The following TBCK variants were observed in gnomAD, a reference collection of about 807,000 sequenced individuals.
TBCK encodes the protein TBC1 domain containing kinase.
In TBCK, 99 loss-of-function variants were observed where a neutral mutation model predicts 113.4. That is an observed-to-expected ratio of 0.87 (90% CI 0.74 to 1.03). The LOEUF (loss-of-function observed/expected upper bound fraction) is 1.03, where lower values mean the gene tolerates loss of function less well. TBCK is among the 50% of genes least tolerant of loss of function. The probability of loss-of-function intolerance (pLI) is 0.00; values close to 1 mark genes in which losing one functional copy is unlikely to be tolerated. For synonymous variants in TBCK, 369 were observed against 370.8 expected (o/e 1.00, Z 0.05); for missense variants, 1,045 against 1,061.3 (o/e 0.98, Z 0.21).
At chr4:106,201,486 T>C (rs1030172597) in intron 20 of TBCK, among the ~76,000 whole-genome samples, 1 of 152,100 alleles carries the variant, frequency 6.6e-6, no homozygotes, top group African/African-American at 2.4e-5. Flanking sequence ...TCATACATAC[T>C]CTAAGTATTT....
rs576294408 is a variant in TBCK at position 106,137,938 on chromosome 4, T to C, written c.2236-21560A>G. On this transcript the variant is annotated intron_variant, in intron 23 of 25. Coordinates refer to ENST00000394708, the MANE Select transcript of TBCK (RefSeq NM_001163435.3). ...GACATTTTATCTCTCTGGGCCTCAG[T>C]TTTCTCAAATGATGGGCAGGAGTAG... Among the ~76,000 whole-genome samples the C allele has an allele frequency of 4.3e-5, 6 of 141,018 alleles. 1 individual carries two copies. Among genetic ancestry groups the C allele is most frequent in the African/African-American group, 1.5e-4 (6 of 40,034 alleles). The allele number at this position is 141,018 out of a possible 152,430, so 92.5% of individuals were successfully genotyped here.
At chr4:106,296,103 G>A (rs1416978944) in intron 2 of TBCK, among the ~76,000 whole-genome samples, 1 of 152,136 alleles carries the variant, frequency 6.6e-6, no homozygotes, top group Admixed American at 6.5e-5. Flanking sequence ...AACTGATCAA[G>A]ATGGCACAGT....
At chr4:106,148,355 T>A (rs1003372306) in intron 23 of TBCK, among the ~76,000 whole-genome samples, 2 of 152,180 alleles carry the variant, frequency 1.3e-5, no homozygotes, top group African/African-American at 4.8e-5. Flanking sequence ...ACGGAACCTA[T>A]CGACATGTGA....
chr4:106,229,522 T>A (rs527402983), intron 19 of TBCK, among the ~76,000 whole-genome samples: 1 of 152,164 alleles, frequency 6.6e-6, no homozygotes, highest in African/African-American at 2.4e-5. Context: ...TGAATGTTCT[T>A]GACACCTTTG....
At chr4:106,067,120 C>CAATCCCACT (rs1736734001) in intron 25 of TBCK, among the ~76,000 whole-genome samples, 1 of 152,148 alleles carries the variant, frequency 6.6e-6, no homozygotes, top group Non-Finnish European at 1.5e-5. Flanking sequence ...CATCATTTTA[C>CAATCCCACT]AATCCCACTA....
intron 23 of TBCK, among the ~76,000 whole-genome samples, chr4:106,146,327 C>T (rs1424912881): frequency 6.6e-6 from 1 of 152,128 alleles, no homozygotes; most frequent in East Asian, 1.9e-4. Flanking sequence ...CTATTATCCT[C>T]AGCAAACTAA....
intron 23 of TBCK, among the ~76,000 whole-genome samples, chr4:106,120,406 C>T (rs914592454): frequency 7.9e-5 from 12 of 152,264 alleles, no homozygotes; most frequent in African/African-American, 2.9e-4. Flanking sequence ...CCCACCATTG[C>T]CCAGGCTTGC....
intron 5 of TBCK, among the ~76,000 whole-genome samples, chr4:106,256,755 G>A (rs926519939): frequency 5.3e-5 from 8 of 152,124 alleles, no homozygotes; most frequent in African/African-American, 1.9e-4. Context: ...ACTGCAGCCG[G>A]CATCATGGTA....
At chr4:106,269,386 C>CT (rs750465589) in intron 3 of TBCK, among the ~76,000 whole-genome samples, 24 of 151,766 alleles carry the variant, frequency 1.6e-4, no homozygotes, top group Non-Finnish European at 2.9e-4. Flanking sequence ...GAGCTAGTGT[C>CT]TTTGAGGCTT....
intron 24 of TBCK, among the ~76,000 whole-genome samples, chr4:106,109,960 C>T (rs541326256): frequency 1.2e-4 from 19 of 152,220 alleles, no homozygotes; most frequent in South Asian, 2.1e-4. Context: ...CCCTCTTATC[C>T]GGAGCCCGAG....
At chr4:106,212,441 C>T (rs1270106934) in intron 20 of TBCK, among the ~76,000 whole-genome samples, 1 of 152,130 alleles carries the variant, frequency 6.6e-6, no homozygotes, top group East Asian at 1.9e-4. Context: ...CTTCCTATAT[C>T]TTCAAAATCA....
chr4:106,201,219 A>G (rs1754853942), intron 20 of TBCK, among the ~76,000 whole-genome samples: 1 of 151,942 alleles, frequency 6.6e-6, no homozygotes. Context: ...TAAATAAGTA[A>G]TGTACTCTGT....
chr4:106,084,104 G>A (rs1739225639), intron 25 of TBCK, among the ~76,000 whole-genome samples: 1 of 152,178 alleles, frequency 6.6e-6, no homozygotes, highest in Non-Finnish European at 1.5e-5. Flanking sequence ...AGTGACAGAA[G>A]AAGGCTCCAG....
At chr4:106,056,426 A>C (rs1560586347) in intron 25 of TBCK, among the ~76,000 whole-genome samples, 1 of 148,092 alleles carries the variant, frequency 6.8e-6, no homozygotes, top group Non-Finnish European at 1.5e-5. Flanking sequence ...TCTGTCTCTA[A>C]GTATCTCTCT....
chr4:106,071,183 T>G (rs1737384130), intron 25 of TBCK, among the ~76,000 whole-genome samples: 1 of 152,238 alleles, frequency 6.6e-6, no homozygotes, highest in East Asian at 1.9e-4. Flanking sequence ...CTTCTAATTG[T>G]GATGTTAGGG....
chr4:106,108,376 G>T (rs1742428000), intron 24 of TBCK, among the ~76,000 whole-genome samples: 1 of 152,110 alleles, frequency 6.6e-6, no homozygotes, highest in African/African-American at 2.4e-5. Context: ...CTTGTAAACT[G>T]AATCCAGCAG....
intron 24 of TBCK, among the ~76,000 whole-genome samples, chr4:106,105,113 A>G (rs1741989438): frequency 6.6e-6 from 1 of 152,164 alleles, no homozygotes; most frequent in African/African-American, 2.4e-5. Context: ...CCCTTGAACT[A>G]ATGAAGAAGC....
At chr4:106,146,122 T>C (rs1329429842) in intron 23 of TBCK, among the ~76,000 whole-genome samples, 1 of 152,140 alleles carries the variant, frequency 6.6e-6, no homozygotes, top group African/African-American at 2.4e-5. Context: ...CTGTTCATAA[T>C]AGCAAAGACC....
rs770540823 is a variant in TBCK at position 106,116,336 on chromosome 4, A to G, written c.2278T>C (p.Ser760Pro). The G allele has an allele frequency of 1.2e-6, 2 of 1,613,924 alleles. No homozygotes were observed. Among genetic ancestry groups the G allele is most frequent in the Non-Finnish European group, 8.5e-7 (1 of 1,179,984 alleles). Residue 760 changes from serine to proline, a missense_variant, in exon 24 of 26, where the codon TCA becomes CCA. Coordinates refer to ENST00000394708, the MANE Select transcript of TBCK (RefSeq NM_001163435.3). ...AGGTCCTCTGCTGAAATCCGTGGTG[A>G]TACTTCTGACTTCAGGTCATTTAAT... is the stretch of plus-strand genomic sequence containing the variant. ...IPLNDLKSEV[S>P]PRISAEDLID...
Sources: allele counts gnomAD v4.1 joint callset (sites outside exome capture counted in the v4.1 genomes callset), GRCh38; gene constraint gnomAD v4.1.1; transcripts MANE v1.5; gene names NCBI Gene and HGNC (gene_info 2026-07-23, HGNC 2026-07-21).